LRRN2: variants seen among roughly 807,000 people sequenced by gnomAD.
LRRN2 encodes the protein leucine-rich repeat neuronal protein 2.
A neutral mutation model predicts 35.7 loss-of-function variants in LRRN2; 10 were observed. The observed-to-expected ratio is 0.28, with a 90% confidence interval of 0.17 to 0.47. The LOEUF (loss-of-function observed/expected upper bound fraction) is 0.47, where lower values mean the gene tolerates loss of function less well. Ranked by LOEUF, LRRN2 falls within the 20% of genes least tolerant of loss-of-function variation. LRRN2 has a pLI of 0.99. For missense variants in LRRN2, 731 were observed against 940.3 expected, an observed-to-expected ratio of 0.78 and a Z score of 2.91; for synonymous variants, 391 against 409.6, an observed-to-expected ratio of 0.95 and a Z score of 0.55.
intron 1 of LRRN2, among the ~76,000 whole-genome samples, chr1:204,638,041 C>T (rs1015768856): frequency 2.0e-5 from 3 of 152,132 alleles, no homozygotes; most frequent in Non-Finnish European, 2.9e-5. Flanking sequence ...GTCTCCCTCC[C>T]GCCTCGTGAA....
chr1:204,646,160 G>A (rs574609710), intron 1 of LRRN2, among the ~76,000 whole-genome samples: 6 of 152,044 alleles, frequency 3.9e-5, no homozygotes, highest in African/African-American at 1.4e-4. Context: ...AGATGGGGAG[G>A]GGGGACTCCA....
intron 1 of LRRN2, chr1:204,621,404 C>T (rs1160423705): frequency 6.0e-6 from 1 of 167,302 alleles, no homozygotes; most frequent in Non-Finnish European, 1.5e-5. Flanking sequence ...TCAGTCACCA[C>T]CTGCAGAAGT....
chr1:204,633,216 C>T (rs1667754267), intron 1 of LRRN2: 2 of 152,352 alleles, frequency 1.3e-5, no homozygotes, highest in African/African-American at 4.8e-5. Context: ...CAGATGCTGG[C>T]ACCTTGTCTT....
chr1:204,659,779 T>C (rs192311590), intron 1 of LRRN2, among the ~76,000 whole-genome samples: 115 of 152,286 alleles, frequency 7.6e-4, no homozygotes, highest in Non-Finnish European at 1.4e-3. Flanking sequence ...GCCTTATAAG[T>C]GTTTGCTATT....
chr1:204,618,735 A>G lies in LRRN2; in HGVS notation c.1258T>C (p.Cys420Arg). The G allele has an allele frequency of 6.2e-7, 1 of 1,608,262 alleles. No individual in the cohort carries two copies. Among genetic ancestry groups the G allele is most frequent in the Non-Finnish European group, 8.5e-7 (1 of 1,176,340 alleles). Reference protein sequence around the residue: ...EVPFREMTDHCLPLISPRSFP... With the variant: ...EVPFREMTDHRLPLISPRSFP... ...CTTCGTGGGGAGATGAGGGGCAAAC[A>G]GTGGTCCGTCATCTCCCGGAAGGGC... The change falls in exon 2 of 2, where the codon TGT (cysteine) becomes CGT (arginine). Residue 420 changes from cysteine to arginine, a missense_variant. Physicochemically the swap from Cys to Arg is radical, Grantham distance 180. Coordinates refer to ENST00000367177, the MANE Select transcript of LRRN2 (RefSeq NM_201630.2).
chr1:204,638,103 A>ACCCGCCC (rs1667881094), intron 1 of LRRN2, among the ~76,000 whole-genome samples: 1 of 92,994 alleles, frequency 1.1e-5, no homozygotes, highest in Non-Finnish European at 2.3e-5. Flanking sequence ...GCTCTCACCC[A>ACCCGCCC]CCCACCCCCC....
chr1:204,626,972 G>A (rs548474963), intron 1 of LRRN2: 3 of 150,056 alleles, frequency 2.0e-5, no homozygotes, highest in Non-Finnish European at 4.4e-5. Context: ...TTTTTGCCTA[G>A]GGCTGTAGCT....
At position 204,641,013 on chromosome 1, in the gene LRRN2, A is replaced by C. The variant is rs375108066; in HGVS notation, c.-226-20795T>G. Among the ~76,000 whole-genome samples, 180 of 151,894 alleles carry C rather than the reference A, an allele frequency of 1.2e-3. 1 individual carries two copies. The highest frequency in any genetic ancestry group is 4.0e-3 in the African/African-American group (167 of 41,486). On this transcript the variant is annotated intron_variant, in intron 1 of 1. Transcript: ENST00000367177. ...TTACCAGGGTTAAAAAAGAAAAAAA[A>C]AAAACAAAAAACATCCTGACAAATA...
intron 1 of LRRN2, among the ~76,000 whole-genome samples, chr1:204,631,566 AGGG>A (rs991412932): frequency 1.3e-5 from 2 of 151,620 alleles, no homozygotes; most frequent in African/African-American, 4.8e-5. Flanking sequence ...GGCACAAGCT[AGGG>A]GAGACAGCAT....
chr1:204,656,484 C>T (rs542194190), intron 1 of LRRN2, among the ~76,000 whole-genome samples: 2 of 152,274 alleles, frequency 1.3e-5, no homozygotes, highest in South Asian at 2.1e-4. Context: ...TTCATGTCAT[C>T]TTTCTTGTTT....
Position 204,619,167 on chromosome 1 carries a change from C to T in LRRN2, c.826G>A (p.Val276Ile). Residue 276 changes from valine to isoleucine, a missense_variant, in exon 2 of 2, where the codon GTA becomes ATA. Val to Ile is a conservative substitution (Grantham distance 29, BLOSUM62 3). Around this residue, in one of 3 missense-constraint regions of LRRN2, gnomAD observed 256 missense variants for 392.4 expected, o/e 0.65. Coordinates refer to ENST00000367177, the MANE Select transcript of LRRN2 (RefSeq NM_201630.2). ...ATGTTGGCAAAGTCCCCCGGCCCTA[C>T]CCGCTGGAGCGGGTTCTTGTTGAGG... ...LDLNKNPLQR[V>I]GPGDFANMLH... 1 of 1,614,074 alleles carries T rather than the reference C, an allele frequency of 6.2e-7. No homozygotes were observed. Among genetic ancestry groups the T allele is most frequent in the Non-Finnish European group, 8.5e-7 (1 of 1,180,028 alleles).
chr1:204,650,082 C>T (rs1668189842), intron 1 of LRRN2, among the ~76,000 whole-genome samples: 3 of 152,234 alleles, frequency 2.0e-5, no homozygotes, highest in Admixed American at 2.0e-4. Flanking sequence ...CCTGCCCAGC[C>T]TGGCCCTGGG....
rs1227989064 is a variant in LRRN2 at position 204,619,177 on chromosome 1, C to T, written c.816G>A (p.Pro272=). ...GLKFLDLNKN[P]LQRVGPGDFA... ...AGTCCCCCGGCCCTACCCGCTGGAG[C>T]GGGTTCTTGTTGAGGTCTAGGAACT... The change falls in exon 2 of 2, where the codon CCG becomes CCA. Residue 272 remains proline, a synonymous_variant. Coordinates refer to ENST00000367177, the MANE Select transcript of LRRN2 (RefSeq NM_201630.2). 20 of 1,613,928 alleles carry T rather than the reference C, an allele frequency of 1.2e-5. No homozygotes were observed. Among genetic ancestry groups the T allele is most frequent in the African/African-American group, 2.7e-5 (2 of 74,920 alleles).
At chr1:204,677,477 G>A (rs906827191) in intron 1 of LRRN2, among the ~76,000 whole-genome samples, 6 of 152,202 alleles carry the variant, frequency 3.9e-5, no homozygotes, top group African/African-American at 1.2e-4. Flanking sequence ...GGGGGTGGAA[G>A]TTTGCTCATT....
intron 1 of LRRN2, among the ~76,000 whole-genome samples, chr1:204,624,758 C>G (rs866320431): frequency 1.3e-5 from 2 of 149,050 alleles, no homozygotes; most frequent in Admixed American, 6.7e-5. Context: ...CCCCCCCACC[C>G]CCCCCCCCGG....
chr1:204,618,260 C>T lies in LRRN2; in HGVS notation c.1733G>A (p.Gly578Glu). 1.9e-6 allele frequency: 3 copies of T among 1,611,282 alleles called. No individual in the cohort carries two copies. Among genetic ancestry groups the T allele is most frequent in the Non-Finnish European group, 2.5e-6 (3 of 1,178,468 alleles). ...GCGGGTAATGTTGTAGCTGTGGGTT[C>T]CCCGAGGCAGGCGGGCCAGAGCTGT... ...GATALARLPR[G>E]THSYNITRLL... The change falls in exon 2 of 2, where the codon GGA becomes GAA. Residue 578 changes from glycine (G) to glutamate (E), a missense_variant. Coordinates refer to ENST00000367177, the MANE Select transcript of LRRN2 (RefSeq NM_201630.2).
intron 1 of LRRN2, among the ~76,000 whole-genome samples, chr1:204,631,237 G>A (rs1667683535): frequency 1.1e-5 from 1 of 92,658 alleles, no homozygotes; most frequent in African/African-American, 3.7e-5. Context: ...AAACCAAGAA[G>A]AGTGATACCT....
intron 1 of LRRN2, among the ~76,000 whole-genome samples, chr1:204,665,537 C>T (rs919120615): frequency 1.6e-4 from 24 of 152,318 alleles, no homozygotes; most frequent in Middle Eastern, 3.4e-3. Context: ...TACTTGTGGC[C>T]CATGGTAAGG....
chr1:204,629,932 C>T (rs1401333611), intron 1 of LRRN2, among the ~76,000 whole-genome samples: 8 of 152,022 alleles, frequency 5.3e-5, no homozygotes. Context: ...AATATAGGAC[C>T]AGCAGACACT....
Sources: gnomAD v4.1 joint callset for allele counts (sites outside exome capture counted in the v4.1 genomes callset) on GRCh38, gnomAD v4.1.1 for gene constraint, gnomAD v4.1.1 regional missense constraint, MANE v1.5 for transcripts, NCBI Gene and HGNC (gene_info 2026-07-23, HGNC 2026-07-21) for gene names.